Variants in SNX29 observed in about 807,000 individuals in gnomAD.
SNX29 encodes sorting nexin 29.
Under a neutral mutation model 102.1 loss-of-function variants are expected in SNX29, and 78 were observed. That is an observed-to-expected ratio of 0.76 (90% confidence interval 0.64 to 0.92). The LOEUF (loss-of-function observed/expected upper bound fraction) is 0.92. Ranked by LOEUF, SNX29 falls within the 40% of genes least tolerant of loss-of-function variation. The probability of loss-of-function intolerance (pLI) is 0.00; values close to 1 mark genes in which losing one functional copy is unlikely to be tolerated. For missense variants in SNX29, 1,280 were observed against 1,061.7 expected (o/e 1.21, Z -2.86); for synonymous variants, 580 against 414.5 (o/e 1.40, Z -4.85).
At chr16:12,035,543 T>C (rs925957732) in intron 4 of SNX29, among the ~76,000 whole-genome samples, 4 of 152,184 alleles carry the variant, frequency 2.6e-5, no homozygotes, top group African/African-American at 9.6e-5. Context: ...TGCCAATCCA[T>C]TTGTGCCTTG....
intron 1 of SNX29, among the ~76,000 whole-genome samples, chr16:11,982,846 T>G (rs903831661): frequency 9.2e-5 from 14 of 152,210 alleles, no homozygotes; most frequent in Non-Finnish European, 1.6e-4. Context: ...ATCAGAGTTT[T>G]GGGCTTAATG....
In SNX29 at chr16:12,276,928, TTTTTCTAAAGG is replaced by T. The variant is rs377559741; in HGVS notation, c.1679-998_1679-988del. On this transcript the variant is annotated intron_variant, in intron 14 of 20. Coordinates refer to ENST00000566228, the MANE Select transcript of SNX29 (RefSeq NM_032167.5). ...TTGACGTTCTGTGTTGGTTTCCGAG[TTTTTCTAAAGG>T]TTTTCTTGCTGTCATCCTAAGTATG... 3.0e-3 allele frequency among the ~76,000 whole-genome samples: 451 copies of T among 152,206 alleles called. 2 individuals are homozygous for T. Among genetic ancestry groups the T allele is most frequent in the African/African-American group, 1.0e-2 (414 of 41,532 alleles).
At chr16:12,236,853 C>T (rs1306961053) in intron 14 of SNX29, among the ~76,000 whole-genome samples, 1 of 152,332 alleles carries the variant, frequency 6.6e-6, no homozygotes, top group African/African-American at 2.4e-5. Flanking sequence ...GGAGGAAATG[C>T]TTTGTACCTT....
At chr16:12,018,776 T>G (rs1596606770) in intron 3 of SNX29, among the ~76,000 whole-genome samples, 1 of 150,402 alleles carries the variant, frequency 6.6e-6, no homozygotes, top group African/African-American at 2.4e-5. Context: ...TTGTGGAGAA[T>G]GCGGTCTCGC....
intron 16 of SNX29, among the ~76,000 whole-genome samples, chr16:12,371,536 G>A (rs2082682637): frequency 1.3e-5 from 2 of 152,264 alleles, no homozygotes; most frequent in South Asian, 4.1e-4. Context: ...TCGAACTTCT[G>A]GGCTCAAGCA....
At chr16:12,261,612 G>A (rs1255183892) in intron 14 of SNX29, among the ~76,000 whole-genome samples, 6 of 136,376 alleles carry the variant, frequency 4.4e-5, no homozygotes, top group Admixed American at 1.5e-4. Flanking sequence ...TGCTGAGCTC[G>A]GGTCTGTGCA....
At chr16:12,101,005 A>G (rs1213795669) in intron 11 of SNX29, among the ~76,000 whole-genome samples, 3 of 152,172 alleles carry the variant, frequency 2.0e-5, no homozygotes. Context: ...GAAAACACCC[A>G]TCCATGGCCC....
intron 8 of SNX29, among the ~76,000 whole-genome samples, chr16:12,058,259 G>C (rs1417507228): frequency 1.1e-4 from 16 of 152,128 alleles, no homozygotes; most frequent in Admixed American, 9.2e-4. Flanking sequence ...TAATGTTTTG[G>C]ATAATGTGGC....
intron 20 of SNX29, among the ~76,000 whole-genome samples, chr16:12,547,617 A>G (rs1567170113): frequency 1.3e-5 from 2 of 152,068 alleles, no homozygotes; most frequent in African/African-American, 2.4e-5. Context: ...CCTCAGCACC[A>G]CTAAGCTGTC....
intron 9 of SNX29, among the ~76,000 whole-genome samples, chr16:12,068,521 C>T (rs1338313975): frequency 7.9e-6 from 1 of 127,206 alleles, no homozygotes; most frequent in Non-Finnish European, 1.7e-5. Flanking sequence ...AAAAAAAAGT[C>T]ACAGGTTAAG....
intron 20 of SNX29, among the ~76,000 whole-genome samples, chr16:12,558,720 T>TG (rs1160289916): frequency 2.0e-5 from 3 of 152,168 alleles, no homozygotes; most frequent in African/African-American, 7.2e-5. Context: ...TACGGGGGGC[T>TG]GCACAAGCCT....
chr16:12,520,126 G>A (rs955135410), intron 19 of SNX29, among the ~76,000 whole-genome samples: 1 of 152,212 alleles, frequency 6.6e-6, no homozygotes, highest in Non-Finnish European at 1.5e-5. Context: ...ACCGAGTCCT[G>A]TGCCGCGATT....
At chr16:12,158,539 C>CT (rs1278690389) in intron 13 of SNX29, among the ~76,000 whole-genome samples, 1 of 152,186 alleles carries the variant, frequency 6.6e-6, no homozygotes, top group African/African-American at 2.4e-5. Flanking sequence ...AGTAGTCCTG[C>CT]TTGAGCATTC....
intron 11 of SNX29, among the ~76,000 whole-genome samples, chr16:12,084,578 G>A (rs764048518): frequency 6.6e-5 from 10 of 152,116 alleles, no homozygotes; most frequent in Non-Finnish European, 1.2e-4. Flanking sequence ...TGTTGCTCTC[G>A]GGAGGCCATG....
At chr16:12,206,323 C>G (rs563365079) in intron 14 of SNX29, among the ~76,000 whole-genome samples, 2 of 143,686 alleles carry the variant, frequency 1.4e-5, no homozygotes, top group African/African-American at 5.1e-5. Flanking sequence ...TTCAGTTTCT[C>G]AACTCCAATT....
intron 20 of SNX29, among the ~76,000 whole-genome samples, chr16:12,530,816 A>G (rs1383019943): frequency 6.6e-6 from 1 of 152,194 alleles, no homozygotes; most frequent in Non-Finnish European, 1.5e-5. Context: ...TTGGCCTCCC[A>G]AAGTGCTGGG....
intron 13 of SNX29, among the ~76,000 whole-genome samples, chr16:12,166,342 A>G (rs2056021817): frequency 6.6e-6 from 1 of 152,212 alleles, no homozygotes; most frequent in Admixed American, 6.5e-5. Context: ...CGCTGGAAGC[A>G]AATTAAACAG....
At chr16:12,425,763 A>AATTCCTCTCGGAATTCC (rs1567550374) in intron 18 of SNX29, among the ~76,000 whole-genome samples, 2 of 151,992 alleles carry the variant, frequency 1.3e-5, no homozygotes, top group African/African-American at 4.8e-5. Context: ...CCAGGAATTC[A>AATTCCTCTCGGAATTCC]TTTCTGAATT....
At chr16:12,495,568 TTTATGAACATAG>T (rs1320243162) in intron 19 of SNX29, among the ~76,000 whole-genome samples, 2 of 152,270 alleles carry the variant, frequency 1.3e-5, no homozygotes, top group Non-Finnish European at 2.9e-5. Flanking sequence ...ATTAGCACAT[TTTATGAACATAG>T]TTATTTGCTT....
Sources: allele counts gnomAD v4.1 joint callset (sites outside exome capture counted in the v4.1 genomes callset), GRCh38; gene constraint gnomAD v4.1.1; transcripts MANE v1.5; gene names NCBI Gene and HGNC (gene_info 2026-07-23, HGNC 2026-07-21).